The following PRLR variants were observed in gnomAD, a reference collection of about 807,000 sequenced individuals.
PRLR encodes the protein prolactin receptor, also known as hPRL receptor.
In PRLR, 13 loss-of-function variants were observed where a neutral mutation model predicts 40.2. The observed-to-expected ratio is 0.32, with a 90% CI of 0.21 to 0.51. The LOEUF (loss-of-function observed/expected upper bound fraction) is 0.51, where lower values mean the gene tolerates loss of function less well. Among genes scored for constraint, PRLR ranks in the 20% least tolerant of loss-of-function variants. PRLR has a pLI of 0.97. For missense variants in PRLR, 656 were observed against 747.3 expected (o/e 0.88, Z 1.42); for synonymous variants, 269 against 278.7 (o/e 0.97, Z 0.35).
chr5:35,108,077 A>T (rs1243376277), intron 2 of PRLR, among the ~76,000 whole-genome samples: 1 of 152,186 alleles, frequency 6.6e-6, no homozygotes, highest in East Asian at 1.9e-4. Flanking sequence ...AACATACACA[A>T]ATCAATAAAC....
rs750740679 is a variant in PRLR at position 35,068,252 on chromosome 5, C to T, written c.819G>A (p.Gly273=). 3 of 1,613,334 alleles carry T rather than the reference C, an allele frequency of 1.9e-6. No individual in the cohort carries two copies. The South Asian group carries it at 3.3e-5, about 18-fold the overall frequency. The change falls in exon 9 of 10, where the codon GGG becomes GGA. Residue 273 remains glycine, a synonymous_variant. Transcript: ENST00000618457. The part of the protein sequence containing the change: ...MVTCIFPPVP[G]PKIKGFDAHL... ...GAGCATCAAATCCTTTTATTTTTGG[C>T]CCAGGAACTGGCGGAAAGATGCAGG...
chr5:35,172,881 G>A (rs1018166763), intron 1 of PRLR, among the ~76,000 whole-genome samples: 5 of 152,162 alleles, frequency 3.3e-5, no homozygotes, highest in South Asian at 2.1e-4. Flanking sequence ...AATGAGTTCC[G>A]GCCCAGGAAA....
At chr5:35,143,097 CA>C (rs144824085) in intron 1 of PRLR, among the ~76,000 whole-genome samples, 4,005 of 152,142 alleles carry the variant, frequency 0.026, 87 homozygotes, top group Middle Eastern at 0.095. Flanking sequence ...ATAAAAAATA[CA>C]AAAAAGTTAT....
At chr5:35,119,386 T>TCACACACACACACACACA (rs58727265) in intron 1 of PRLR, among the ~76,000 whole-genome samples, 1 of 145,660 alleles carries the variant, frequency 6.9e-6, no homozygotes, top group East Asian at 2.0e-4. Context: ...TCTCTCTCTC[T>TCACACACACACACACACA]CACACACACA....
chr5:35,089,674 A>T lies in PRLR; in HGVS notation c.-43-11T>A. On this transcript the variant is annotated splice_polypyrimidine_tract_variant and intron_variant, in intron 2 of 9. Transcript: ENST00000618457. ...TGTATCAGAAGTTCACTGGAAGAGA[A>T]GGTAGCAGGTAACTTTTGTGAAATG... is the stretch of plus-strand genomic sequence containing the variant. 1 of 1,590,540 alleles carries T rather than the reference A, an allele frequency of 6.3e-7. No individual in the cohort carries two copies. Among genetic ancestry groups the T allele is most frequent in the Non-Finnish European group, 8.6e-7 (1 of 1,158,918 alleles).
chr5:35,141,216 A>C (rs1016962589), intron 1 of PRLR, among the ~76,000 whole-genome samples: 3 of 150,882 alleles, frequency 2.0e-5, no homozygotes, highest in Non-Finnish European at 4.4e-5. Flanking sequence ...TATTGCTTAC[A>C]TCTGGATTCC....
chr5:35,189,730 T>C (rs570260597), intron 1 of PRLR, among the ~76,000 whole-genome samples: 3 of 152,282 alleles, frequency 2.0e-5, no homozygotes, highest in Non-Finnish European at 4.4e-5. Flanking sequence ...TTTAGCTCTA[T>C]GACTGGGTGC....
Position 35,166,454 on chromosome 5 carries a change from G to A in PRLR, c.-105-48332C>T, listed in dbSNP as rs566770244. Among the ~76,000 whole-genome samples, 4 of 152,196 alleles carry A rather than the reference G, an allele frequency of 2.6e-5. No homozygotes were observed. The South Asian group carries it at 8.3e-4, about 32-fold the overall frequency. ...GAGAATATCTTGTTTTTTCAACTGT[G>A]TAATCTTTATTTTTTTCAAATTTCT... On this transcript the variant is annotated intron_variant, in intron 1 of 9. Transcript: ENST00000618457.
intron 1 of PRLR, among the ~76,000 whole-genome samples, chr5:35,143,302 C>A (rs1003711767): frequency 6.6e-6 from 1 of 152,136 alleles, no homozygotes; most frequent in African/African-American, 2.4e-5. Context: ...ACTTTATTTA[C>A]AAAAATGGTT....
At chr5:35,186,273 T>TA (rs1775429035) in intron 1 of PRLR, among the ~76,000 whole-genome samples, 1 of 152,194 alleles carries the variant, frequency 6.6e-6, no homozygotes, top group South Asian at 2.1e-4. Flanking sequence ...TTAAAAAAAT[T>TA]TTTTTTTGCT....
chr5:35,143,051 T>A (rs1774068217), intron 1 of PRLR, among the ~76,000 whole-genome samples: 1 of 152,230 alleles, frequency 6.6e-6, no homozygotes, highest in African/African-American at 2.4e-5. Flanking sequence ...TTTCTATAAA[T>A]TGTTGATATG....
chr5:35,173,641 CCT>C (rs1775061420), intron 1 of PRLR, among the ~76,000 whole-genome samples: 1 of 152,208 alleles, frequency 6.6e-6, no homozygotes, highest in South Asian at 2.1e-4. Context: ...TAAATTCTTC[CCT>C]GTTTCTCTTT....
intron 7 of PRLR, among the ~76,000 whole-genome samples, chr5:35,069,841 T>A (rs1385990930): frequency 6.6e-6 from 1 of 152,146 alleles, no homozygotes; most frequent in Non-Finnish European, 1.5e-5. Flanking sequence ...CTCTAAATGA[T>A]GGGAATAGGG....
chr5:35,049,346 T>C (rs1032600850), exon 9 of PRLR: 2 of 703,074 alleles, frequency 2.8e-6, no homozygotes, highest in Non-Finnish European at 5.2e-6. Context: ...TGACTTGAGA[T>C]TTTTCTTGGT....
intron 1 of PRLR, among the ~76,000 whole-genome samples, chr5:35,170,820 G>C (rs1297432739): frequency 1.3e-5 from 2 of 152,228 alleles, no homozygotes; most frequent in African/African-American, 4.8e-5. Flanking sequence ...ACAAGGGTCA[G>C]AGCCTGAGTC....
At chr5:35,102,383 T>C (rs979597509) in intron 2 of PRLR, among the ~76,000 whole-genome samples, 18 of 151,962 alleles carry the variant, frequency 1.2e-4, no homozygotes, top group Admixed American at 9.2e-4. Context: ...TTTGCCCATC[T>C]CTCCTCTCTC....
chr5:35,072,880 G>T lies in PRLR; in HGVS notation c.374-136C>A. On this transcript the variant is annotated intron_variant, in intron 5 of 9. Transcript: ENST00000618457. The stretch of plus-strand genomic sequence containing the variant: ...TGTACTATAAGCCCCCCAAATACCC[G>T]GGCCTTTTGTCTTCTACCTCTTAGT... 5.0e-6 allele frequency: 5 copies of T among 1,001,852 alleles called. No homozygotes were observed. In the South Asian group the frequency reaches 8.8e-5, roughly 18 times the overall value. 62.1% of individuals were successfully genotyped at this position (1,001,852 alleles called of 1,614,324 possible). A position where few individuals can be genotyped will look rare whatever the true frequency, so the allele number is the denominator to read the frequency against.
intron 1 of PRLR, among the ~76,000 whole-genome samples, chr5:35,227,833 G>T (rs1262725174): frequency 6.6e-6 from 1 of 152,124 alleles, no homozygotes; most frequent in East Asian, 1.9e-4. Context: ...TTCTTTCCAT[G>T]CCTGGCTGTT....
In PRLR at chr5:35,191,140, G is replaced by C. The variant is rs59264910; in HGVS notation, c.-106+39128C>G. 2.5e-5 allele frequency among the ~76,000 whole-genome samples: 2 copies of C among 79,998 alleles called. 1 individual carries two copies. Among genetic ancestry groups the C allele is most frequent in the Non-Finnish European group, 5.3e-5 (2 of 37,758 alleles). The allele number at this position is 79,998 out of a possible 152,430, so 52.5% of individuals were successfully genotyped here. A position where few individuals can be genotyped will look rare whatever the true frequency, so the allele number is the denominator to read the frequency against. Reference sequence around the variant, plus strand: ...GGCTGGAGTGCAGTGGCGCAATCTCGGCTCACTGCAAGCTCCGCCTCCCGG... The same window carrying C: ...GGCTGGAGTGCAGTGGCGCAATCTCCGCTCACTGCAAGCTCCGCCTCCCGG... On this transcript the variant is annotated intron_variant, in intron 1 of 9. Transcript: ENST00000618457.
Sources: allele counts gnomAD v4.1 joint callset (sites outside exome capture counted in the v4.1 genomes callset), GRCh38; gene constraint gnomAD v4.1.1; transcripts MANE v1.5; gene names NCBI Gene and HGNC (gene_info 2026-07-23, HGNC 2026-07-21).